The following PRRC2C variants were observed in gnomAD, a reference collection of about 807,000 sequenced individuals.
PRRC2C encodes the protein protein PRRC2C.
In PRRC2C, 72 loss-of-function variants were observed where a neutral mutation model predicts 317.2. The observed-to-expected ratio is 0.23, with a 90% CI of 0.19 to 0.28. The LOEUF is 0.28. Among genes scored for constraint, PRRC2C ranks in the 10% least tolerant of loss-of-function variants. The pLI is 1.00. For synonymous variants in PRRC2C, 1,296 were observed against 1,205.9 expected, an observed-to-expected ratio of 1.07 and a Z score of -1.55; for missense variants, 3,074 against 3,459.7, an observed-to-expected ratio of 0.89 and a Z score of 2.80.
At position 171,555,460 on chromosome 1, in the gene PRRC2C, T is replaced by G. The variant is rs185287055; in HGVS notation, c.5128-1780T>G. Among the ~76,000 whole-genome samples, 371 of 152,356 alleles carry G rather than the reference T, an allele frequency of 2.4e-3. 3 individuals are homozygous for G. Among genetic ancestry groups the G allele is most frequent in the Middle Eastern group, 6.8e-3 (2 of 294 alleles). On this transcript the variant is annotated intron_variant, in intron 18 of 34. Coordinates refer to ENST00000647382, the MANE Select transcript of PRRC2C (RefSeq NM_001387844.1). Reference sequence around the variant, plus strand: ...TTATTACCAACCTTCTGAAGCCTACTTCTATCAACTTGTCAAAGTCATTCT... The same window carrying G: ...TTATTACCAACCTTCTGAAGCCTACGTCTATCAACTTGTCAAAGTCATTCT...
chr1:171,564,582 CAG>C (rs1187371899), intron 20 of PRRC2C, among the ~76,000 whole-genome samples: 1 of 152,194 alleles, frequency 6.6e-6, no homozygotes, highest in East Asian at 1.9e-4. Flanking sequence ...TGCTTAACAA[CAG>C]AGATACGTCC....
At chr1:171,512,225 T>A (rs375466431) in intron 2 of PRRC2C, 25 bp downstream of exon 2, 1 of 1,443,528 alleles carries the variant, frequency 6.9e-7, no homozygotes, top group Non-Finnish European at 9.5e-7. Flanking sequence ...GTGACACTTA[T>A]GTTTTTCATG....
intron 1 of PRRC2C, among the ~76,000 whole-genome samples, chr1:171,505,554 T>G (rs72717810): frequency 0.054 from 8,217 of 151,930 alleles, 309 homozygotes; most frequent in Non-Finnish European, 0.084. Flanking sequence ...TGAATTTTTT[T>G]TTGTTGTTTC....
chr1:171,530,993 G>A (rs759693006), intron 11 of PRRC2C, among the ~76,000 whole-genome samples: 36 of 152,254 alleles, frequency 2.4e-4, no homozygotes, highest in Non-Finnish European at 4.0e-4. Flanking sequence ...AGCAACCCAC[G>A]TGTCTATCAT....
intron 3 of PRRC2C, among the ~76,000 whole-genome samples, chr1:171,513,948 T>C (rs1671845213): frequency 6.6e-6 from 1 of 152,266 alleles, no homozygotes; most frequent in Non-Finnish European, 1.5e-5. Flanking sequence ...CATTGCATTT[T>C]GTGAGCCTCT....
In PRRC2C at chr1:171,540,930, C is replaced by T. The variant is rs773702185; in HGVS notation, c.3464C>T (p.Pro1155Leu). Residue 1155 changes from proline to leucine, a missense_variant, in exon 16 of 35, where the codon CCA becomes CTA. Physicochemically the swap from Pro to Leu is moderately conservative, Grantham distance 98. This residue lies in a region of PRRC2C where 1,320 missense variants were observed against 1,395.7 expected (regional missense o/e 0.95). Coordinates refer to ENST00000647382, the MANE Select transcript of PRRC2C (RefSeq NM_001387844.1). ...SKDLVIERPR[P>L]DSRPAVKKES... ...GACCTTGTTATAGAGAGGCCTCGAC[C>T]AGATTCAAGACCAGCAGTTAAAAAA... is the stretch of plus-strand genomic sequence containing the variant. 3.1e-6 allele frequency: 5 copies of T among 1,613,824 alleles called. No homozygotes were observed. The South Asian group carries it at 5.5e-5, about 18-fold the overall frequency.
At chr1:171,490,368 A>G (rs12759907) in intron 1 of PRRC2C, among the ~76,000 whole-genome samples, 19,857 of 152,264 alleles carry the variant, frequency 0.13, 1,572 homozygotes, top group Middle Eastern at 0.28. Context: ...CATTACTGCT[A>G]TAAGAAATGA....
chr1:171,542,177 G>C lies in PRRC2C; in HGVS notation c.4711G>C (p.Gly1571Arg), dbSNP rs1174264826. ...ACCCAAATCAGGAAGGAATTTCTCAGGTCCTAGAAATGAAAGGAGAAGTGG... is the reference window on the plus strand; with the variant it reads ...ACCCAAATCAGGAAGGAATTTCTCACGTCCTAGAAATGAAAGGAGAAGTGG... Reference protein sequence around the residue: ...GPPKSGRNFSGPRNERRSGPP... With the variant: ...GPPKSGRNFSRPRNERRSGPP... Residue 1571 changes from glycine (G) to arginine (R), a missense_variant, in exon 16 of 35, where the codon GGT becomes CGT. Gly to Arg is a moderately radical substitution (Grantham distance 125). Transcript: ENST00000647382. 3 of 1,598,374 alleles carry C rather than the reference G, an allele frequency of 1.9e-6. No homozygotes were observed. The highest frequency in any genetic ancestry group is 2.6e-6 in the Non-Finnish European group (3 of 1,173,760).
chr1:171,535,987 T>C (rs529644710), intron 13 of PRRC2C, 42 bp from the exon 14 acceptor site: 4 of 1,547,844 alleles, frequency 2.6e-6, no homozygotes, highest in Non-Finnish European at 3.5e-6. Context: ...TAATTTGTCA[T>C]GTGGAACTAA....
chr1:171,561,601 G>C (rs1682727823), intron 20 of PRRC2C, among the ~76,000 whole-genome samples: 1 of 152,182 alleles, frequency 6.6e-6, no homozygotes, highest in Non-Finnish European at 1.5e-5. Context: ...TGATACTCTT[G>C]CTGCTACATC....
In PRRC2C at chr1:171,512,083, A is replaced by G; in HGVS notation, c.-6A>G. On this transcript the variant is annotated 5_prime_UTR_variant, in exon 2 of 35. Coordinates refer to ENST00000647382, the MANE Select transcript of PRRC2C (RefSeq NM_001387844.1). Reference sequence around the variant, plus strand: ...GAGGTTTTGGACTCGATGAGTTTCCACCGAAATGTCGGAGAAGTCAGGCCA... The same window carrying G: ...GAGGTTTTGGACTCGATGAGTTTCCGCCGAAATGTCGGAGAAGTCAGGCCA... 1 of 1,546,728 alleles carries G rather than the reference A, an allele frequency of 6.5e-7. No homozygotes were observed. The highest frequency in any genetic ancestry group is 8.8e-7 in the Non-Finnish European group (1 of 1,140,476).
chr1:171,556,690 G>A (rs1221098061), intron 18 of PRRC2C, among the ~76,000 whole-genome samples: 6 of 152,278 alleles, frequency 3.9e-5, no homozygotes, highest in Non-Finnish European at 8.8e-5. Context: ...CAAATATCAC[G>A]AACCAGTAGA....
intron 11 of PRRC2C, 100 bp from the exon 12 acceptor site, chr1:171,532,243 T>C: frequency 8.0e-7 from 1 of 1,252,752 alleles, no homozygotes; most frequent in Non-Finnish European, 1.1e-6. Flanking sequence ...ATCAGAGAAA[T>C]TTCTGATATT....
chr1:171,547,804 C>T (rs1208692339), intron 17 of PRRC2C, among the ~76,000 whole-genome samples: 1 of 151,930 alleles, frequency 6.6e-6, no homozygotes, highest in East Asian at 1.9e-4. Context: ...CCACCATGCC[C>T]AGCTAATTTT....
intron 1 of PRRC2C, among the ~76,000 whole-genome samples, chr1:171,501,984 G>A (rs550759255): frequency 6.6e-6 from 1 of 152,150 alleles, no homozygotes; most frequent in South Asian, 2.1e-4. Flanking sequence ...ATGAGAGATG[G>A]GGGTCTTGCT....
At chr1:171,576,735 C>G (rs1004780998) in intron 25 of PRRC2C, among the ~76,000 whole-genome samples, 6 of 151,996 alleles carry the variant, frequency 3.9e-5, no homozygotes, top group African/African-American at 1.4e-4. Flanking sequence ...CTCTGTCGCT[C>G]AGGCTGGAGT....
Position 171,515,777 on chromosome 1 carries a change from G to T in PRRC2C, c.444G>T (p.Leu148=), listed in dbSNP as rs781080960. The T allele has an allele frequency of 2.5e-6, 4 of 1,611,070 alleles. No homozygotes were observed. Among genetic ancestry groups the T allele is most frequent in the Non-Finnish European group, 3.4e-6 (4 of 1,178,054 alleles). ...NSQFQQEFPS[L]QAAGDQEKKE... is the part of the protein sequence containing the mutation. ...AGTTTCAGCAAGAATTTCCCAGCCTGCAGGCAGCTGGGGATCAGGAAAAAA... is the reference window on the plus strand; with the variant it reads ...AGTTTCAGCAAGAATTTCCCAGCCTTCAGGCAGCTGGGGATCAGGAAAAAA... The change falls in exon 5 of 35, where the codon CTG becomes CTT. Residue 148 remains leucine, a synonymous_variant. Transcript: ENST00000647382.
At chr1:171,522,137 G>T (rs1673699936) in intron 6 of PRRC2C, 40 bp from the exon 7 acceptor site, 2 of 1,171,610 alleles carry the variant, frequency 1.7e-6, no homozygotes, top group Non-Finnish European at 1.2e-6. Context: ...AAATAACTAG[G>T]TTGCTAAATT....
intron 6 of PRRC2C, among the ~76,000 whole-genome samples, chr1:171,519,739 T>G (rs1673196189): frequency 6.6e-6 from 1 of 152,242 alleles, no homozygotes; most frequent in Non-Finnish European, 1.5e-5. Flanking sequence ...ATTTATTTAG[T>G]TTGTTGTTTA....
Sources: gnomAD v4.1 joint callset for allele counts (sites outside exome capture counted in the v4.1 genomes callset) on GRCh38, gnomAD v4.1.1 for gene constraint, gnomAD v4.1.1 regional missense constraint, MANE v1.5 for transcripts, NCBI Gene and HGNC (gene_info 2026-07-23, HGNC 2026-07-21) for gene names.